The following INVS variants were observed in gnomAD, a reference collection of about 807,000 sequenced individuals.
INVS encodes the protein inversin.
In INVS, 86 loss-of-function variants were observed where a neutral mutation model predicts 108.8. That is an observed-to-expected ratio of 0.79 (90% CI 0.66 to 0.95). The LOEUF is 0.95. Ranked by LOEUF, INVS falls within the 40% of genes least tolerant of loss-of-function variation. The pLI, the probability that INVS is intolerant of heterozygous loss-of-function variation, is 0.00. For missense variants in INVS, 1,169 were observed against 1,297.4 expected, an observed-to-expected ratio of 0.90 and a Z score of 1.52; for synonymous variants, 455 against 473.5, an observed-to-expected ratio of 0.96 and a Z score of 0.51.
At chr9:100,112,018 C>T (rs1035863029) in intron 2 of INVS, among the ~76,000 whole-genome samples, 2 of 152,100 alleles carry the variant, frequency 1.3e-5, no homozygotes, top group African/African-American at 4.8e-5. Flanking sequence ...GACAGAGTCT[C>T]ACTCTGTCAC....
intron 3 of INVS, among the ~76,000 whole-genome samples, chr9:100,158,294 CA>C (rs1829066080): frequency 1.3e-5 from 2 of 152,054 alleles, no homozygotes; most frequent in Admixed American, 1.3e-4. Context: ...ATTGGTAATG[CA>C]AAAAGCTTTA....
rs1362643909 is a variant in INVS at position 100,269,291 on chromosome 9, G to C, written c.1572-3573G>C. ...TAAAATTCAATTTAGCTCTACTATT[G>C]CATGGTTTAATGACTCTATGATAAT... On this transcript the variant is annotated intron_variant, in intron 11 of 16. Coordinates refer to ENST00000262457, the MANE Select transcript of INVS (RefSeq NM_014425.5). 2.0e-5 allele frequency among the ~76,000 whole-genome samples: 3 copies of C among 152,110 alleles called. No homozygotes were observed. The East Asian group carries it at 5.8e-4, about 29-fold the overall frequency.
chr9:100,297,187 C>G (rs768579855), intron 15 of INVS, 41 bp downstream of exon 15: 17 of 1,455,508 alleles, frequency 1.2e-5, no homozygotes, highest in Non-Finnish European at 1.6e-5. Context: ...ACAAGTACCC[C>G]CAGAGTACCA....
intron 3 of INVS, among the ~76,000 whole-genome samples, chr9:100,166,210 C>T (rs910886493): frequency 3.3e-5 from 5 of 152,132 alleles, no homozygotes; most frequent in African/African-American, 1.2e-4. Context: ...CTGTTTGACT[C>T]TAAAGTCTGT....
intron 3 of INVS, among the ~76,000 whole-genome samples, chr9:100,158,755 C>G (rs557363440): frequency 6.6e-6 from 1 of 152,136 alleles, no homozygotes; most frequent in African/African-American, 2.4e-5. Flanking sequence ...CTCCAAATCC[C>G]GCGTTGAAAT....
At chr9:100,215,103 A>T (rs1286221164) in intron 3 of INVS, 1 of 152,246 alleles carries the variant, frequency 6.6e-6, no homozygotes, top group Non-Finnish European at 1.5e-5. Flanking sequence ...TATATGGACC[A>T]CTATAGAATG....
chr9:100,180,354 A>T (rs547511958), intron 3 of INVS, among the ~76,000 whole-genome samples: 1 of 152,098 alleles, frequency 6.6e-6, no homozygotes, highest in South Asian at 2.1e-4. Flanking sequence ...GTTTTTTTTT[A>T]AAAGATTAAC....
At chr9:100,180,797 G>A (rs1489935308) in intron 3 of INVS, among the ~76,000 whole-genome samples, 1 of 152,064 alleles carries the variant, frequency 6.6e-6, no homozygotes, top group Non-Finnish European at 1.5e-5. Flanking sequence ...GCATCATCCT[G>A]ACACCAAAAC....
chr9:100,229,356 G>T (rs1446155625), intron 4 of INVS, among the ~76,000 whole-genome samples: 1 of 152,168 alleles, frequency 6.6e-6, no homozygotes, highest in African/African-American at 2.4e-5. Context: ...TGTCTACGGT[G>T]GGGATATGCT....
At chr9:100,207,709 G>T (rs1830715990) in intron 3 of INVS, among the ~76,000 whole-genome samples, 1 of 152,192 alleles carries the variant, frequency 6.6e-6, no homozygotes, top group Non-Finnish European at 1.5e-5. Flanking sequence ...AGGATTAGAA[G>T]AGTTTTCACA....
At chr9:100,263,311 A>G (rs1832687240) in intron 10 of INVS, among the ~76,000 whole-genome samples, 1 of 152,178 alleles carries the variant, frequency 6.6e-6, no homozygotes, top group Admixed American at 6.5e-5. Flanking sequence ...ACCATTCTAG[A>G]TGTCAGAAAT....
chr9:100,217,473 G>A (rs759582203), intron 3 of INVS, among the ~76,000 whole-genome samples: 41 of 152,066 alleles, frequency 2.7e-4, no homozygotes, highest in Admixed American at 1.1e-3. Flanking sequence ...GACGAAAAGC[G>A]TCATTACTAA....
intron 13 of INVS, among the ~76,000 whole-genome samples, chr9:100,289,978 A>G (rs1391661095): frequency 6.6e-6 from 1 of 152,206 alleles, no homozygotes; most frequent in East Asian, 1.9e-4. Flanking sequence ...TTGCATTCCT[A>G]CCAGCAATGA....
At chr9:100,181,928 A>G (rs932464417) in intron 3 of INVS, among the ~76,000 whole-genome samples, 9 of 152,144 alleles carry the variant, frequency 5.9e-5, no homozygotes, top group African/African-American at 2.2e-4. Context: ...ATATAGACCA[A>G]TGGAACAGAA....
At chr9:100,123,741 G>A (rs1827796366) in intron 2 of INVS, among the ~76,000 whole-genome samples, 1 of 152,140 alleles carries the variant, frequency 6.6e-6, no homozygotes, top group Admixed American at 6.5e-5. Flanking sequence ...TGAGGATTTT[G>A]ATTTCTCCAT....
At chr9:100,136,600 G>A (rs147758685) in intron 3 of INVS, among the ~76,000 whole-genome samples, 70 of 152,202 alleles carry the variant, frequency 4.6e-4, no homozygotes, top group African/African-American at 1.5e-3. Context: ...CATTGTATTT[G>A]GTTGATAAGT....
At chr9:100,241,976 A>C (rs1240440539) in intron 6 of INVS, among the ~76,000 whole-genome samples, 1 of 152,098 alleles carries the variant, frequency 6.6e-6, no homozygotes, top group Non-Finnish European at 1.5e-5. Context: ...AATGCACTAC[A>C]TTGTCTTCAT....
rs35392930 is a variant in INVS, at chr9:100,161,364, CAAAAAAAAAAAAA to C, written c.273+34831_273+34843del. 4.7e-3 allele frequency among the ~76,000 whole-genome samples: 58 copies of C among 12,388 alleles called. No homozygotes were observed. In the South Asian group the frequency reaches 0.074, roughly 16 times the overall value. 8.1% of individuals were successfully genotyped at this position (12,388 alleles called of 152,430 possible). A position where few individuals can be genotyped will look rare whatever the true frequency, so the allele number is the denominator to read the frequency against. On this transcript the variant is annotated intron_variant, in intron 3 of 16. Transcript: ENST00000262457. The stretch of plus-strand genomic sequence containing the variant: ...GGACGACAGAGCAAGACTTCCATCT[CAAAAAAAAAAAAA>C]AAAAAAAAAAAAAAACCTCATAAAT...
At chr9:100,156,485 A>T (rs189034962) in intron 3 of INVS, among the ~76,000 whole-genome samples, 71 of 151,982 alleles carry the variant, frequency 4.7e-4, no homozygotes, top group African/African-American at 1.6e-3. Flanking sequence ...GTGGTCTCTA[A>T]TTCCTGACCT....
Sources: allele counts gnomAD v4.1 joint callset (sites outside exome capture counted in the v4.1 genomes callset), GRCh38; gene constraint gnomAD v4.1.1; transcripts MANE v1.5; gene names NCBI Gene and HGNC (gene_info 2026-07-23, HGNC 2026-07-21).